MEIS1: variants seen among roughly 807,000 people sequenced by gnomAD.
The protein encoded by MEIS1 is homeobox protein Meis1.
MEIS1 carries 5 observed loss-of-function variants against 50.8 expected under a neutral mutation model. The observed-to-expected ratio is 0.10, with a 90% confidence interval of 0.05 to 0.21. MEIS1 has a LOEUF of 0.21. MEIS1 is among the 10% of genes least tolerant of loss of function. The pLI is 1.00. For missense variants in MEIS1, 318 were observed against 517.3 expected (o/e 0.61, Z 3.74); for synonymous variants, 176 against 179.3 (o/e 0.98, Z 0.15).
chr2:66,497,567 C>T (rs576763450), intron 7 of MEIS1, among the ~76,000 whole-genome samples: 2 of 151,916 alleles, frequency 1.3e-5, no homozygotes, highest in Admixed American at 6.6e-5. Context: ...TAACTTTTTT[C>T]CTTATCAGTA....
intron 7 of MEIS1, among the ~76,000 whole-genome samples, chr2:66,502,960 G>T (rs1673593080): frequency 6.6e-6 from 1 of 152,108 alleles, no homozygotes; most frequent in African/African-American, 2.4e-5. Flanking sequence ...TCCACAACTG[G>T]CTTCTATGCA....
intron 9 of MEIS1, among the ~76,000 whole-genome samples, chr2:66,559,960 C>A (rs1471221447): frequency 6.6e-6 from 1 of 152,012 alleles, no homozygotes; most frequent in Non-Finnish European, 1.5e-5. Context: ...CCAGACCCAG[C>A]TAATTTTTAC....
At chr2:66,566,527 C>A (rs577264267) in intron 9 of MEIS1, among the ~76,000 whole-genome samples, 1 of 151,908 alleles carries the variant, frequency 6.6e-6, no homozygotes, top group African/African-American at 2.4e-5. Flanking sequence ...GGATTTGATA[C>A]GTAATTTTTA....
rs147784673 is a variant in MEIS1 at position 66,448,994 on chromosome 2, A to G, written c.630+5946A>G. Among the ~76,000 whole-genome samples the G allele has an allele frequency of 3.3e-3, 510 of 152,256 alleles. 11 individuals carry two copies. In the East Asian group the frequency reaches 0.065, roughly 19 times the overall value. On this transcript the variant is annotated intron_variant, in intron 6 of 12. Transcript: ENST00000272369. ...ATATCTGTCATATTTGAATCAAAGT[A>G]CTACTTTAATTTATGACATAATCGA...
Position 66,571,463 on chromosome 2 carries a change from C to A in MEIS1, c.*255C>A, listed in dbSNP as rs79714963. 3.7e-6 allele frequency: 6 copies of A among 1,600,946 alleles called. No individual in the cohort carries two copies. In the African/African-American group the frequency reaches 4.0e-5, roughly 11 times the overall value. ...CTGGAATGCCAATGTCAGCATCAAG[C>A]CCCACAGTTCTTAATACAGGAGACC... On this transcript the variant is annotated 3_prime_UTR_variant, in exon 13 of 13. Coordinates refer to ENST00000272369, the MANE Select transcript of MEIS1 (RefSeq NM_002398.3).
intron 1 of MEIS1, among the ~76,000 whole-genome samples, chr2:66,436,707 C>T (rs1445641880): frequency 6.6e-6 from 1 of 152,202 alleles, no homozygotes; most frequent in Non-Finnish European, 1.5e-5. Context: ...TTTCACACCT[C>T]TGGCTTTAAG....
At chr2:66,558,279 C>CAAAAAAAAAAAAAAAAAAAAAAAA (rs59017279) in intron 9 of MEIS1, among the ~76,000 whole-genome samples, 177 of 57,080 alleles carry the variant, frequency 3.1e-3, no homozygotes, top group Non-Finnish European at 3.1e-3. Flanking sequence ...AACTCCATCT[C>CAAAAAAAAAAAAAAAAAAAAAAAA]AAAAAAAAAA....
rs190403263 is a variant in MEIS1, at chr2:66,486,691, G to A, written c.742+22471G>A. ...TTGAATCTATAAATTACTTTGGGCA[G>A]TATGGCCATATTCACGATATTGATT... On this transcript the variant is annotated intron_variant, in intron 7 of 12. Transcript: ENST00000272369. 1.2e-4 allele frequency among the ~76,000 whole-genome samples: 19 copies of A among 152,328 alleles called. No individual in the cohort carries two copies. In the East Asian group the frequency reaches 1.3e-3, roughly 11 times the overall value.
At chr2:66,449,212 G>A (rs745709064) in intron 6 of MEIS1, among the ~76,000 whole-genome samples, 2 of 152,042 alleles carry the variant, frequency 1.3e-5, no homozygotes, top group Non-Finnish European at 2.9e-5. Flanking sequence ...TCTAAATCCC[G>A]TTGGGCTTGC....
chr2:66,546,320 G>C (rs1424826952), intron 8 of MEIS1, among the ~76,000 whole-genome samples: 1 of 152,094 alleles, frequency 6.6e-6, no homozygotes, highest in Non-Finnish European at 1.5e-5. Context: ...GGTGTGGCTT[G>C]GTATAGGGGT....
chr2:66,464,301 G>C (rs1279464736), intron 7 of MEIS1, 81 bp downstream of exon 7: 1 of 1,128,370 alleles, frequency 8.9e-7, no homozygotes, highest in Non-Finnish European at 1.3e-6. Flanking sequence ...GAGTTACTAA[G>C]TATACAGTTT....
chr2:66,537,716 C>T (rs191549511), intron 8 of MEIS1, among the ~76,000 whole-genome samples: 1 of 152,272 alleles, frequency 6.6e-6, no homozygotes, highest in Non-Finnish European at 1.5e-5. Context: ...TCCAAAATGG[C>T]GTTGTAGTAT....
intron 7 of MEIS1, among the ~76,000 whole-genome samples, chr2:66,480,974 A>G (rs891462478): frequency 1.6e-4 from 25 of 152,246 alleles, no homozygotes; most frequent in African/African-American, 5.8e-4. Context: ...CCTGCAACAG[A>G]AAGACTGTAG....
At chr2:66,514,702 T>C (rs1673920932) in intron 8 of MEIS1, among the ~76,000 whole-genome samples, 1 of 152,222 alleles carries the variant, frequency 6.6e-6, no homozygotes. Context: ...ATTGTTCTTA[T>C]AACATCATCT....
chr2:66,500,958 T>G (rs1304426256), intron 7 of MEIS1, among the ~76,000 whole-genome samples: 1 of 152,156 alleles, frequency 6.6e-6, no homozygotes, highest in Non-Finnish European at 1.5e-5. Flanking sequence ...TGTGTGTTTG[T>G]GTGTGTATTT....
chr2:66,497,984 T>TG (rs1673450325), intron 7 of MEIS1, among the ~76,000 whole-genome samples: 2 of 151,626 alleles, frequency 1.3e-5, no homozygotes. Flanking sequence ...AGGCTTTTTT[T>TG]GGGGGGCTGT....
chr2:66,512,116 C>A (rs1197709393), intron 7 of MEIS1, 33 bp from the exon 8 acceptor site: 1 of 1,526,280 alleles, frequency 6.6e-7, no homozygotes, highest in South Asian at 1.3e-5. Flanking sequence ...GTCAAGGTAG[C>A]ATCAGTCAAA....
chr2:66,571,181 C>T, intron 12 of MEIS1, 65 bp from the exon 13 acceptor site: 1 of 1,501,408 alleles, frequency 6.7e-7, no homozygotes, highest in Non-Finnish European at 9.0e-7. Flanking sequence ...TTGTCATAGC[C>T]AGGACCACAC....
At chr2:66,439,536 A>C in intron 2 of MEIS1, 3 of 1,500,328 alleles carry the variant, frequency 2.0e-6, no homozygotes, top group South Asian at 1.2e-5. Context: ...ACTTAATTCA[A>C]AATGGCTGCT....
Sources: allele counts gnomAD v4.1 joint callset (sites outside exome capture counted in the v4.1 genomes callset), GRCh38; gene constraint gnomAD v4.1.1; transcripts MANE v1.5; gene names NCBI Gene and HGNC (gene_info 2026-07-23, HGNC 2026-07-21).